CDC37L1: variants seen among roughly 807,000 people sequenced by gnomAD.
The protein encoded by CDC37L1 is cell division cycle 37 like 1, HSP90 cochaperone, also known as hsp90 co-chaperone Cdc37-like 1.
A neutral mutation model predicts 45.9 loss-of-function variants in CDC37L1; 32 were observed. That is an observed-to-expected ratio of 0.70 (90% CI 0.53 to 0.94). The LOEUF (loss-of-function observed/expected upper bound fraction) is 0.94, where lower values mean the gene tolerates loss of function less well. Among genes scored for constraint, CDC37L1 ranks in the 40% least tolerant of loss-of-function variants. CDC37L1 has a pLI of 0.00. For synonymous variants in CDC37L1, 150 were observed against 133.0 expected (o/e 1.13, Z -0.88); for missense variants, 434 against 405.7 (o/e 1.07, Z -0.60).
At chr9:4,697,903 A>G (rs1318853733) in intron 5 of CDC37L1, 24 bp downstream of exon 5, 1 of 1,610,746 alleles carries the variant, frequency 6.2e-7, no homozygotes, top group Non-Finnish European at 8.5e-7. Context: ...TGATATTGAT[A>G]AATGGGAAGA....
chr9:4,679,614 G>T lies in CDC37L1; in HGVS notation c.-154G>T, dbSNP rs553609110. The stretch of plus-strand genomic sequence containing the variant: ...CGAGGCCCAGGCTGTCGCCGGGTGT[G>T]CAGCGGCGTCGCGGCCAGTAGAGGG... On this transcript the variant is annotated 5_prime_UTR_variant, in exon 1 of 7. Transcript: ENST00000381854. The T allele has an allele frequency of 7.8e-6, 5 of 643,700 alleles. No individual in the cohort carries two copies. Among genetic ancestry groups the T allele is most frequent in the Non-Finnish European group, 1.0e-5 (4 of 389,938 alleles). 39.9% of individuals were successfully genotyped at this position (643,700 alleles called of 1,614,324 possible).
At chr9:4,696,512 G>T (rs1420187076) in intron 3 of CDC37L1, among the ~76,000 whole-genome samples, 1 of 151,462 alleles carries the variant, frequency 6.6e-6, no homozygotes, top group African/African-American at 2.4e-5. Context: ...AAAAAGAAAA[G>T]AAAAAAATCT....
In CDC37L1 at chr9:4,684,969, A is replaced by G. The variant is rs746754410; in HGVS notation, c.225A>G (p.Gln75=). Residue 75 remains glutamine (Q), a synonymous_variant, in exon 2 of 7, where the codon CAA becomes CAG. Coordinates refer to ENST00000381854, the MANE Select transcript of CDC37L1 (RefSeq NM_017913.4). The part of the protein sequence containing the change: ...VACKWNLAEA[Q]QKLGSLALHN... ...GCAAATGGAATCTTGCTGAAGCTCA[A>G]CAGAAACTTGGTAGCTTAGCACTGC... is the stretch of plus-strand genomic sequence containing the variant. 9.9e-6 allele frequency: 16 copies of G among 1,613,952 alleles called. No individual in the cohort carries two copies. Among genetic ancestry groups the G allele is most frequent in the African/African-American group, 4.0e-5 (3 of 74,934 alleles).
At chr9:4,680,929 G>A (rs915828919) in intron 1 of CDC37L1, among the ~76,000 whole-genome samples, 5 of 152,168 alleles carry the variant, frequency 3.3e-5, no homozygotes, top group African/African-American at 1.2e-4. Flanking sequence ...GGGTTAGTTG[G>A]CTTCACACAG....
At chr9:4,682,697 T>C (rs1254880501) in intron 1 of CDC37L1, among the ~76,000 whole-genome samples, 1 of 151,216 alleles carries the variant, frequency 6.6e-6, no homozygotes, top group East Asian at 1.9e-4. Flanking sequence ...GGTTTCGAAC[T>C]CCTGACCTCA....
intron 3 of CDC37L1, among the ~76,000 whole-genome samples, chr9:4,693,005 G>A (rs1307278432): frequency 2.0e-5 from 3 of 152,286 alleles, no homozygotes; most frequent in East Asian, 3.9e-4. Flanking sequence ...AATGCATATG[G>A]TGGTAGACGA....
chr9:4,703,209 C>G (rs1841415954), intron 6 of CDC37L1: 9 of 1,226,210 alleles, frequency 7.3e-6, no homozygotes, highest in African/African-American at 1.6e-5. Context: ...TCATAAAGTG[C>G]TAAAAATTGG....
chr9:4,679,607 C>T lies in CDC37L1; in HGVS notation c.-161C>T, dbSNP rs1440419303. On this transcript the variant is annotated 5_prime_UTR_variant, in exon 1 of 7. Transcript: ENST00000381854. ...CCGGTGGCGAGGCCCAGGCTGTCGC[C>T]GGGTGTGCAGCGGCGTCGCGGCCAG... 12 of 609,378 alleles carry T rather than the reference C, an allele frequency of 2.0e-5. No individual in the cohort carries two copies. Among genetic ancestry groups the T allele is most frequent in the Non-Finnish European group, 3.0e-5 (11 of 362,216 alleles). 37.7% of individuals were successfully genotyped at this position (609,378 alleles called of 1,614,324 possible).
intron 3 of CDC37L1, among the ~76,000 whole-genome samples, chr9:4,692,032 G>A (rs1841305327): frequency 6.6e-6 from 1 of 151,994 alleles, no homozygotes. Flanking sequence ...CTGTGATTCA[G>A]CTTTTTTTAA....
Position 4,706,976 on chromosome 9 carries a change from G to A in CDC37L1, c.*864G>A, listed in dbSNP as rs1841449253. 1 of 152,092 alleles carries A rather than the reference G, an allele frequency of 6.6e-6. No homozygotes were observed. Among genetic ancestry groups the A allele is most frequent in the Non-Finnish European group, 1.5e-5 (1 of 68,006 alleles). 9.4% of individuals were successfully genotyped at this position (152,092 alleles called of 1,614,324 possible). A position where few individuals can be genotyped will look rare whatever the true frequency, so the allele number is the denominator to read the frequency against. ...TTAAATTTGTAGTTATTTTACTCAT[G>A]TTGCCTTTTAATTTTTGTTATTTTG... On this transcript the variant is annotated 3_prime_UTR_variant, in exon 7 of 7. Transcript: ENST00000381854.
At position 4,701,578 on chromosome 9, in the gene CDC37L1, G is replaced by A. The variant is rs550502899; in HGVS notation, c.748-286G>A. Among the ~76,000 whole-genome samples the A allele has an allele frequency of 7.1e-5, 10 of 141,818 alleles. No individual in the cohort carries two copies. In the East Asian group the frequency reaches 1.5e-3, roughly 22 times the overall value. The allele number at this position is 141,818 out of a possible 152,430, so 93.0% of individuals were successfully genotyped here. ...ATCTAGATAAGTCAAGGAAAATACA[G>A]AGAAAGCCTTCTTTTCTTTTAGTTG... On this transcript the variant is annotated intron_variant, in intron 5 of 6. Coordinates refer to ENST00000381854, the MANE Select transcript of CDC37L1 (RefSeq NM_017913.4).
chr9:4,693,381 T>C (rs1841318694), intron 3 of CDC37L1, among the ~76,000 whole-genome samples: 1 of 152,058 alleles, frequency 6.6e-6, no homozygotes, highest in Admixed American at 6.5e-5. Flanking sequence ...AGGTTGAGGC[T>C]GCAATGAGTT....
chr9:4,694,219 A>G (rs1587619974), intron 3 of CDC37L1, among the ~76,000 whole-genome samples: 1 of 147,962 alleles, frequency 6.8e-6, no homozygotes, highest in South Asian at 2.1e-4. Context: ...AGCTGGGACT[A>G]CAAGTGTACT....
chr9:4,705,203 A>T (rs943003459), intron 6 of CDC37L1, among the ~76,000 whole-genome samples: 4 of 152,228 alleles, frequency 2.6e-5, no homozygotes, highest in Admixed American at 2.0e-4. Context: ...AAATATAAGT[A>T]AAACTAGTAA....
chr9:4,683,891 C>G (rs1841221408), intron 1 of CDC37L1, among the ~76,000 whole-genome samples: 1 of 152,192 alleles, frequency 6.6e-6, no homozygotes, highest in African/African-American at 2.4e-5. Flanking sequence ...TATTGAATGT[C>G]TATCACAGTA....
At chr9:4,696,220 T>G (rs1385033167) in intron 3 of CDC37L1, among the ~76,000 whole-genome samples, 1 of 152,252 alleles carries the variant, frequency 6.6e-6, no homozygotes, top group Non-Finnish European at 1.5e-5. Context: ...ATTAAATATA[T>G]AGGAGTTCAT....
intron 2 of CDC37L1, 101 bp downstream of exon 2, chr9:4,685,259 A>G (rs1216521549): frequency 2.2e-6 from 2 of 915,270 alleles, no homozygotes; most frequent in Non-Finnish European, 3.4e-6. Flanking sequence ...TCCCATAAAC[A>G]GTGTTCAATT....
intron 5 of CDC37L1, among the ~76,000 whole-genome samples, chr9:4,699,552 C>G (rs1260155211): frequency 6.6e-6 from 1 of 151,828 alleles, no homozygotes; most frequent in Non-Finnish European, 1.5e-5. Flanking sequence ...TATCTAGTAT[C>G]AATGTTCGTA....
intron 4 of CDC37L1, among the ~76,000 whole-genome samples, 198 bp downstream of exon 4, chr9:4,697,409 C>T (rs1383092546): frequency 6.6e-6 from 1 of 152,134 alleles, no homozygotes; most frequent in Non-Finnish European, 1.5e-5. Context: ...TTTCAGTTAG[C>T]ATACAGAAAC....
Sources: gnomAD v4.1 joint callset for allele counts (sites outside exome capture counted in the v4.1 genomes callset) on GRCh38, gnomAD v4.1.1 for gene constraint, MANE v1.5 for transcripts, NCBI Gene and HGNC (gene_info 2026-07-23, HGNC 2026-07-21) for gene names.